Variants in XKR6 observed in about 807,000 individuals in gnomAD.
XKR6 encodes the protein XK related 6, also known as XK-related protein 6.
A neutral mutation model predicts 56.7 loss-of-function variants in XKR6; 22 were observed. The ratio of observed to expected loss-of-function variants is 0.39; its 90% confidence interval spans 0.28 to 0.55. The LOEUF is 0.55. Ranked by LOEUF, XKR6 falls within the 20% of genes least tolerant of loss-of-function variation. XKR6 has a pLI of 0.66. For missense variants in XKR6, 852 were observed against 889.0 expected, an observed-to-expected ratio of 0.96 and a Z score of 0.53; for synonymous variants, 524 against 387.8, an observed-to-expected ratio of 1.35 and a Z score of -4.13.
chr8:11,123,872 A>G (rs1799607811), intron 1 of XKR6: 2 of 456,150 alleles, frequency 4.4e-6, no homozygotes, highest in Non-Finnish European at 4.4e-6. Context: ...TGGCACCTGC[A>G]CTGTGCTCTC....
At chr8:11,172,081 C>T (rs905785908) in intron 1 of XKR6, among the ~76,000 whole-genome samples, 15 of 151,862 alleles carry the variant, frequency 9.9e-5, no homozygotes, top group African/African-American at 3.6e-4. Flanking sequence ...AAAAGTTACC[C>T]AGTCTCAGGC....
At chr8:11,037,129 A>G (rs189956453) in intron 1 of XKR6, among the ~76,000 whole-genome samples, 5 of 152,374 alleles carry the variant, frequency 3.3e-5, no homozygotes, top group Admixed American at 3.3e-4. Flanking sequence ...AAATTTCTGC[A>G]TCTGTTTCAC....
intron 1 of XKR6, among the ~76,000 whole-genome samples, chr8:11,002,211 T>G (rs1586416864): frequency 6.6e-6 from 1 of 152,090 alleles, no homozygotes; most frequent in African/African-American, 2.4e-5. Context: ...CCAGCACCAT[T>G]CCTCCACAAA....
chr8:10,974,744 T>C (rs963360967), intron 1 of XKR6, among the ~76,000 whole-genome samples: 9 of 152,036 alleles, frequency 5.9e-5, no homozygotes, highest in East Asian at 1.9e-4. Context: ...GGTGCTTCCA[T>C]AGAAAAAGAT....
chr8:11,157,676 T>C (rs1033630440), intron 1 of XKR6, among the ~76,000 whole-genome samples: 3 of 152,092 alleles, frequency 2.0e-5, no homozygotes, highest in East Asian at 3.9e-4. Flanking sequence ...CCACCATACA[T>C]AGCTAATTCT....
intron 1 of XKR6, among the ~76,000 whole-genome samples, chr8:11,150,291 C>T (rs1199403485): frequency 6.6e-6 from 1 of 150,528 alleles, no homozygotes; most frequent in Non-Finnish European, 1.5e-5. Flanking sequence ...CCCAAATAAC[C>T]CAACTAGATC....
intron 1 of XKR6, among the ~76,000 whole-genome samples, chr8:11,193,655 T>A (rs866987975): frequency 7.0e-4 from 104 of 149,254 alleles, no homozygotes; most frequent in Admixed American, 1.3e-3. Flanking sequence ...ACTAAAAAAA[T>A]TTTTTTTTTA....
intron 1 of XKR6, chr8:11,194,319 A>T (rs1318299684): frequency 6.6e-6 from 1 of 152,200 alleles, no homozygotes; most frequent in Non-Finnish European, 1.5e-5. Flanking sequence ...GAGAAACCTG[A>T]CTTCTTAATT....
At position 11,113,189 on chromosome 8, in the gene XKR6, A is replaced by C. The variant is rs150784242; in HGVS notation, c.764+87387T>G. ...TTAATGCTGTTACATGTAGTGAAAGAAATGAAGTGGCGTAAACAACCACTT... is the reference window on the plus strand; with the variant it reads ...TTAATGCTGTTACATGTAGTGAAAGCAATGAAGTGGCGTAAACAACCACTT... On this transcript the variant is annotated intron_variant, in intron 1 of 2. Coordinates refer to ENST00000416569, the MANE Select transcript of XKR6 (RefSeq NM_173683.4). 5.3e-4 allele frequency among the ~76,000 whole-genome samples: 80 copies of C among 152,352 alleles called. 2 individuals carry two copies. In the East Asian group the frequency reaches 0.014, roughly 27 times the overall value.
intron 1 of XKR6, among the ~76,000 whole-genome samples, chr8:11,177,857 C>T (rs961109291): frequency 6.6e-6 from 1 of 152,222 alleles, no homozygotes; most frequent in African/African-American, 2.4e-5. Context: ...TAACCCCACC[C>T]AGTTCCTGCG....
chr8:10,957,158 C>T lies in XKR6; in HGVS notation c.765-32328G>A, dbSNP rs113038553. ...TACAGATTGGGTTTCACCATGTGGG[C>T]CAGGCTGGTTTTGAACTCCTGACCT... On this transcript the variant is annotated intron_variant, in intron 1 of 2. Coordinates refer to ENST00000416569, the MANE Select transcript of XKR6 (RefSeq NM_173683.4). Among the ~76,000 whole-genome samples, 28 of 152,214 alleles carry T rather than the reference C, an allele frequency of 1.8e-4. 2 individuals are homozygous for T. Among genetic ancestry groups the T allele is most frequent in the African/African-American group, 6.0e-4 (25 of 41,520 alleles).
At chr8:11,055,378 A>T (rs1473953597) in intron 1 of XKR6, among the ~76,000 whole-genome samples, 1 of 152,190 alleles carries the variant, frequency 6.6e-6, no homozygotes, top group Non-Finnish European at 1.5e-5. Flanking sequence ...ACCCAGCAGG[A>T]TTCTTGCTAA....
chr8:10,902,346 AGC>A, intron 2 of XKR6, among the ~76,000 whole-genome samples: 1 of 152,082 alleles, frequency 6.6e-6, no homozygotes, highest in Non-Finnish European at 1.5e-5. Context: ...TATCTAGGGG[AGC>A]TTCCCAGACC....
chr8:11,070,603 A>G (rs1800090579), intron 1 of XKR6, among the ~76,000 whole-genome samples: 1 of 152,204 alleles, frequency 6.6e-6, no homozygotes, highest in African/African-American at 2.4e-5. Flanking sequence ...TCACTAGTAG[A>G]TCCCAATGGG....
At chr8:11,013,940 G>C (rs911537230) in intron 1 of XKR6, among the ~76,000 whole-genome samples, 6 of 152,214 alleles carry the variant, frequency 3.9e-5, no homozygotes, top group Admixed American at 3.3e-4. Flanking sequence ...CAGGCCCGCA[G>C]GACAGACCCA....
chr8:11,127,017 A>G (rs1799836276), intron 1 of XKR6, among the ~76,000 whole-genome samples: 1 of 152,206 alleles, frequency 6.6e-6, no homozygotes, highest in African/African-American at 2.4e-5. Context: ...ATTTAACAAC[A>G]TCAGGGTAAG....
At chr8:10,955,316 G>A (rs964065907) in intron 1 of XKR6, among the ~76,000 whole-genome samples, 2 of 152,156 alleles carry the variant, frequency 1.3e-5, no homozygotes, top group Non-Finnish European at 2.9e-5. Context: ...GGGATTATAG[G>A]TGTGTGCCGA....
rs185039625 is a variant in XKR6, at chr8:11,076,357, G to T, written c.764+124219C>A. Among the ~76,000 whole-genome samples, 143 of 152,254 alleles carry T rather than the reference G, an allele frequency of 9.4e-4. 1 individual carries two copies. Among genetic ancestry groups the T allele is most frequent in the Admixed American group, 3.1e-3 (48 of 15,296 alleles). ...ACAACTCAACCATACACTTAAAATT[G>T]GTTAGGATTGTAGATTTTATATTAT... is the stretch of plus-strand genomic sequence containing the variant. On this transcript the variant is annotated intron_variant, in intron 1 of 2. Coordinates refer to ENST00000416569, the MANE Select transcript of XKR6 (RefSeq NM_173683.4).
At chr8:10,997,709 A>G (rs1420578323) in intron 1 of XKR6, among the ~76,000 whole-genome samples, 1 of 152,136 alleles carries the variant, frequency 6.6e-6, no homozygotes, top group African/African-American at 2.4e-5. Context: ...CTGGCAACTA[A>G]AACTACTAGG....
Sources: gnomAD v4.1 joint callset for allele counts (sites outside exome capture counted in the v4.1 genomes callset) on GRCh38, gnomAD v4.1.1 for gene constraint, MANE v1.5 for transcripts, NCBI Gene and HGNC (gene_info 2026-07-23, HGNC 2026-07-21) for gene names.